Variants in MAPK10 observed in about 807,000 individuals in gnomAD.
MAPK10 encodes mitogen-activated protein kinase 10, also known as JNK3 alpha protein kinase.
In MAPK10, 25 loss-of-function variants were observed where a neutral mutation model predicts 59.3. The ratio of observed to expected loss-of-function variants is 0.42; its 90% CI spans 0.31 to 0.59. MAPK10 has a LOEUF of 0.59. MAPK10 is among the 20% of genes least tolerant of loss of function. MAPK10 has a pLI of 0.15. For synonymous variants in MAPK10, 190 were observed against 200.5 expected (o/e 0.95, Z 0.44); for missense variants, 351 against 568.9 (o/e 0.62, Z 3.90).
intron 1 of MAPK10, among the ~76,000 whole-genome samples, chr4:86,512,615 T>C (rs1365887811): frequency 6.6e-6 from 1 of 152,228 alleles, no homozygotes; most frequent in Non-Finnish European, 1.5e-5. Flanking sequence ...GTTATTAGAC[T>C]GTAGCCTTGT....
intron 1 of MAPK10, among the ~76,000 whole-genome samples, chr4:86,469,717 A>C (rs1405220763): frequency 6.6e-6 from 1 of 152,228 alleles, no homozygotes; most frequent in Non-Finnish European, 1.5e-5. Context: ...TAAGAGAAAG[A>C]AGCCATTCTT....
intron 11 of MAPK10, among the ~76,000 whole-genome samples, chr4:86,060,492 C>T (rs1344711704): frequency 6.6e-6 from 1 of 152,158 alleles, no homozygotes; most frequent in Non-Finnish European, 1.5e-5. Flanking sequence ...TTGGAGTTCA[C>T]CCAGATGCTC....
At chr4:86,218,667 T>A (rs943140195) in intron 2 of MAPK10, among the ~76,000 whole-genome samples, 67 of 150,472 alleles carry the variant, frequency 4.5e-4, no homozygotes, top group African/African-American at 1.6e-3. Flanking sequence ...TAATTACACA[T>A]CCTCAAAATA....
intron 9 of MAPK10, among the ~76,000 whole-genome samples, chr4:86,070,632 A>C (rs2047708221): frequency 6.8e-6 from 1 of 147,204 alleles, no homozygotes; most frequent in South Asian, 2.2e-4. Context: ...ATGAGTGAGA[A>C]TATGCGGTGT....
intron 1 of MAPK10, among the ~76,000 whole-genome samples, chr4:86,550,415 C>T (rs1327719081): frequency 1.6e-5 from 2 of 121,582 alleles, no homozygotes; most frequent in East Asian, 4.7e-4. Context: ...AAAAAAACTC[C>T]AGGCCAGGCA....
chr4:86,041,899 A>G (rs1352492259), intron 11 of MAPK10, among the ~76,000 whole-genome samples: 1 of 152,240 alleles, frequency 6.6e-6, no homozygotes, highest in African/African-American at 2.4e-5. Context: ...ATTGTGGAAG[A>G]CAATGTAGTG....
intron 1 of MAPK10, among the ~76,000 whole-genome samples, chr4:86,372,564 G>GAAAGAAAGAAAAAGAAAGGA: frequency 1.3e-5 from 1 of 78,690 alleles, no homozygotes; most frequent in Admixed American, 1.4e-4. Context: ...AAGAAAGAAA[G>GAAAGAAAGAAAAAGAAAGGA]AAAGAAAAGA....
At chr4:86,189,690 G>A (rs563995008) in intron 3 of MAPK10, among the ~76,000 whole-genome samples, 1 of 152,296 alleles carries the variant, frequency 6.6e-6, no homozygotes, top group South Asian at 2.1e-4. Context: ...CATGTCATCT[G>A]CAAACAGAGA....
rs879659420 is a variant in MAPK10 at position 86,072,462 on chromosome 4, T to C, written c.803-4507A>G. 2.1e-3 allele frequency among the ~76,000 whole-genome samples: 282 copies of C among 133,412 alleles called. 7 individuals are homozygous for C. Among genetic ancestry groups the C allele is most frequent in the Admixed American group, 0.02 (267 of 13,466 alleles). The allele number at this position is 133,412 out of a possible 152,430, so 87.5% of individuals were successfully genotyped here. ...GGAGTGGTGAGAGAGGGCATCCCTG[T>C]CTTGTGCCAGTTTTCAAAGGGAATG... is the stretch of plus-strand genomic sequence containing the variant. On this transcript the variant is annotated intron_variant, in intron 9 of 13. Coordinates refer to ENST00000641462, the MANE Select transcript of MAPK10 (RefSeq NM_138982.4).
chr4:86,311,104 T>C (rs1226569351), intron 2 of MAPK10, among the ~76,000 whole-genome samples: 1 of 151,058 alleles, frequency 6.6e-6, no homozygotes, highest in Non-Finnish European at 1.5e-5. Context: ...ATGTGGGCTG[T>C]GCATATTTGT....
intron 1 of MAPK10, among the ~76,000 whole-genome samples, chr4:86,568,976 C>T (rs1438190766): frequency 6.6e-6 from 1 of 152,022 alleles, no homozygotes; most frequent in Non-Finnish European, 1.5e-5. Context: ...AAAGCTTCTG[C>T]ACAGCAAAAC....
rs1352148979 is a variant in MAPK10 at position 86,219,160 on chromosome 4, A to G, written c.-6-24753T>C. Among the ~76,000 whole-genome samples the G allele has an allele frequency of 2.0e-5, 3 of 150,456 alleles. No individual in the cohort carries two copies. In the East Asian group the frequency reaches 5.8e-4, roughly 29 times the overall value. On this transcript the variant is annotated intron_variant, in intron 2 of 13. Transcript: ENST00000641462. ...TTTCTTTGTCTTTCTTTTTTCCCAAAAAGAGATTGAGAGAGACAGAGAGAG... is the reference window on the plus strand; with the variant it reads ...TTTCTTTGTCTTTCTTTTTTCCCAAGAAGAGATTGAGAGAGACAGAGAGAG...
At chr4:86,018,137 T>G (rs1434274953) in intron 13 of MAPK10, among the ~76,000 whole-genome samples, 1 of 152,186 alleles carries the variant, frequency 6.6e-6, no homozygotes, top group Non-Finnish European at 1.5e-5. Context: ...CTGAGCCTGG[T>G]TGTTTTTAAT....
intron 4 of MAPK10, among the ~76,000 whole-genome samples, chr4:86,135,044 G>A (rs993073641): frequency 2.0e-5 from 3 of 152,196 alleles, no homozygotes; most frequent in East Asian, 1.9e-4. Context: ...TATGCCCAAG[G>A]AGTCTTGCTG....
intron 1 of MAPK10, among the ~76,000 whole-genome samples, chr4:86,422,726 G>C (rs1237055526): frequency 6.6e-6 from 1 of 152,080 alleles, no homozygotes; most frequent in Admixed American, 6.6e-5. Context: ...GGCAGGCATA[G>C]AAACAAAAAG....
intron 5 of MAPK10, 48 bp downstream of exon 5, chr4:86,107,175 A>C: frequency 6.6e-7 from 1 of 1,503,870 alleles, no homozygotes; most frequent in Non-Finnish European, 9.1e-7. Context: ...TTCTTTTTCC[A>C]ATCTTACAAA....
At chr4:86,241,986 T>C (rs956144640) in intron 2 of MAPK10, among the ~76,000 whole-genome samples, 2 of 152,170 alleles carry the variant, frequency 1.3e-5, no homozygotes, top group Admixed American at 6.5e-5. Context: ...TTTTGGTCCT[T>C]GAAGCTGCTA....
chr4:86,180,604 C>T (rs543578097), intron 3 of MAPK10, among the ~76,000 whole-genome samples: 39 of 151,888 alleles, frequency 2.6e-4, no homozygotes, highest in Middle Eastern at 6.8e-3. Flanking sequence ...CCTTAGGTGT[C>T]CAACAACACA....
intron 1 of MAPK10, among the ~76,000 whole-genome samples, chr4:86,521,074 G>C (rs1270438974): frequency 1.3e-5 from 2 of 152,234 alleles, no homozygotes; most frequent in Admixed American, 1.3e-4. Context: ...TAGTGTACTT[G>C]TTTTCTCAAA....
Sources: allele counts gnomAD v4.1 joint callset (sites outside exome capture counted in the v4.1 genomes callset), GRCh38; gene constraint gnomAD v4.1.1; transcripts MANE v1.5; gene names NCBI Gene and HGNC (gene_info 2026-07-23, HGNC 2026-07-21).